Variants in UNC13B observed in about 807,000 individuals in gnomAD.
UNC13B encodes unc-13 homolog B, also known as protein unc-13 homolog B.
In UNC13B, 144 loss-of-function variants were observed where a neutral mutation model predicts 211.0. The ratio of observed to expected loss-of-function variants is 0.68; its 90% CI spans 0.60 to 0.78. UNC13B has a LOEUF of 0.78. Among genes scored for constraint, UNC13B ranks in the 30% least tolerant of loss-of-function variants. The pLI is 0.00. For missense variants in UNC13B, 1,777 were observed against 2,002.0 expected (o/e 0.89, Z 2.14); for synonymous variants, 709 against 725.8 (o/e 0.98, Z 0.37).
At chr9:35,374,979 CTG>C in intron 13 of UNC13B, 146 bp from the exon 14 acceptor site, 3 of 786,014 alleles carry the variant, frequency 3.8e-6, no homozygotes, top group Non-Finnish European at 2.2e-6. Flanking sequence ...CACTTGTCAC[CTG>C]TTAGGGCGGT....
At chr9:35,347,457 C>A (rs1832433190) in intron 11 of UNC13B, among the ~76,000 whole-genome samples, 1 of 152,052 alleles carries the variant, frequency 6.6e-6, no homozygotes, top group Admixed American at 6.6e-5. Flanking sequence ...GCCTCCTGTC[C>A]CTGAGGGTTG....
At chr9:35,402,331 G>T (rs1324760545) in intron 37 of UNC13B, among the ~76,000 whole-genome samples, 1 of 150,728 alleles carries the variant, frequency 6.6e-6, no homozygotes, top group Non-Finnish European at 1.5e-5. Flanking sequence ...GCCCAGGCTG[G>T]AGTCCAGTGG....
At chr9:35,399,557 A>T (rs1246962709) in intron 35 of UNC13B, 92 bp from the exon 36 acceptor site, 21 of 1,599,956 alleles carry the variant, frequency 1.3e-5, no homozygotes, top group Non-Finnish European at 1.7e-5. Flanking sequence ...GAGGAAAAGG[A>T]GGAGATGAAT....
At chr9:35,309,407 T>C (rs903984019) in intron 9 of UNC13B, among the ~76,000 whole-genome samples, 10 of 152,110 alleles carry the variant, frequency 6.6e-5, no homozygotes, top group African/African-American at 1.9e-4. Context: ...GAAAATCCCA[T>C]TGGAAAATAA....
intron 22 of UNC13B, chr9:35,384,557 A>G: frequency 1.0e-6 from 1 of 985,454 alleles, no homozygotes. Context: ...CTCATTCTTA[A>G]CACTCTACTA....
chr9:35,286,590 T>C (rs537578085), intron 7 of UNC13B, among the ~76,000 whole-genome samples: 1 of 152,086 alleles, frequency 6.6e-6, no homozygotes, highest in South Asian at 2.1e-4. Context: ...TCAGGCACAG[T>C]GGCTCCTGTC....
chr9:35,330,297 C>G (rs10972436), intron 11 of UNC13B, among the ~76,000 whole-genome samples: 6,988 of 152,296 alleles, frequency 0.046, 387 homozygotes, highest in East Asian at 0.29. Flanking sequence ...CTGTCATGAC[C>G]TTTCTAGCCT....
At chr9:35,213,855 C>G (rs1824106377) in intron 1 of UNC13B, among the ~76,000 whole-genome samples, 1 of 151,944 alleles carries the variant, frequency 6.6e-6, no homozygotes, top group African/African-American at 2.4e-5. Flanking sequence ...AGTAAGCTAC[C>G]CCAAAAAGAC....
intron 1 of UNC13B, among the ~76,000 whole-genome samples, chr9:35,203,271 G>T (rs1823428969): frequency 6.6e-6 from 1 of 152,124 alleles, no homozygotes; most frequent in African/African-American, 2.4e-5. Flanking sequence ...TTACAATTTG[G>T]CATGTTTTTG....
chr9:35,258,700 C>G (rs562724846), intron 6 of UNC13B, among the ~76,000 whole-genome samples: 1 of 152,210 alleles, frequency 6.6e-6, no homozygotes, highest in Non-Finnish European at 1.5e-5. Context: ...AAGGCCAAAC[C>G]TTCTCCAGCT....
chr9:35,254,178 A>T (rs74792484), intron 6 of UNC13B, among the ~76,000 whole-genome samples: 1,706 of 152,344 alleles, frequency 0.011, 23 homozygotes, highest in African/African-American at 0.038. Context: ...TATAATAAAT[A>T]TAGTTGAGTA....
chr9:35,192,478 C>G (rs1822710661), intron 1 of UNC13B, among the ~76,000 whole-genome samples: 1 of 152,196 alleles, frequency 6.6e-6, no homozygotes, highest in African/African-American at 2.4e-5. Context: ...GGTTAAACAC[C>G]TGAGTTAAAT....
intron 13 of UNC13B, 66 bp downstream of exon 13, chr9:35,370,462 A>G (rs1211671962): frequency 1.3e-6 from 2 of 1,481,508 alleles, no homozygotes; most frequent in African/African-American, 2.8e-5. Context: ...GGCCTTGGCA[A>G]GCTGTCAGGA....
intron 5 of UNC13B, among the ~76,000 whole-genome samples, chr9:35,242,770 G>T (rs1825878967): frequency 6.6e-6 from 1 of 152,146 alleles, no homozygotes; most frequent in South Asian, 2.1e-4. Context: ...ATCTCTTTGA[G>T]ATCCTGCTTT....
chr9:35,400,661 A>G (rs962363781), intron 37 of UNC13B, among the ~76,000 whole-genome samples: 6 of 152,190 alleles, frequency 3.9e-5, no homozygotes, highest in Admixed American at 1.3e-4. Context: ...AATATGTCTA[A>G]GATTTCTTTT....
intron 11 of UNC13B, among the ~76,000 whole-genome samples, chr9:35,339,278 C>T (rs117201546): frequency 1.3e-5 from 2 of 152,190 alleles, no homozygotes; most frequent in African/African-American, 4.8e-5. Context: ...GGAAGCTTCC[C>T]AACTGAGGTG....
Position 35,301,992 on chromosome 9 carries a change from T to A in UNC13B, c.2588T>A (p.Leu863His). The A allele has an allele frequency of 2.5e-6, 1 of 398,816 alleles. No homozygotes were observed. Among genetic ancestry groups the A allele is most frequent in the Non-Finnish European group, 4.4e-6 (1 of 225,860 alleles). 24.7% of individuals were successfully genotyped at this position (398,816 alleles called of 1,614,324 possible). A position where few individuals can be genotyped will look rare whatever the true frequency, so the allele number is the denominator to read the frequency against. Residue 863 changes from leucine to histidine, a missense_variant, in exon 9 of 40, where the codon CTT becomes CAT. Leu to His is a moderately conservative substitution (Grantham distance 99). Coordinates refer to ENST00000635942, the MANE Select transcript of UNC13B (RefSeq NM_001371189.2). The stretch of plus-strand genomic sequence containing the variant: ...TTTTCCTTTAGTGGAAAACTAAATC[T>A]TCCATTTTTTAGAAGTCTTGGTCAT... ...HSFSFSGKLN[L>H]PFFRSLGHSE...
chr9:35,271,157 AAG>A (rs1827859550), intron 7 of UNC13B, among the ~76,000 whole-genome samples: 1 of 151,564 alleles, frequency 6.6e-6, no homozygotes, highest in Non-Finnish European at 1.5e-5. Context: ...AAAAAAAAAA[AAG>A]GACATTTCTC....
Position 35,162,315 on chromosome 9 carries a change from C to G in UNC13B, c.22+10C>G. Reference sequence around the variant, plus strand: ...CTGCTCTGCGTGCGCGGTGAGTGCGCGGACTGAGGCGGGGAGGCGGGGTGT... The same window carrying G: ...CTGCTCTGCGTGCGCGGTGAGTGCGGGGACTGAGGCGGGGAGGCGGGGTGT... On this transcript the variant is annotated intron_variant, in intron 1 of 39. Transcript: ENST00000635942. 1 of 1,539,434 alleles carries G rather than the reference C, an allele frequency of 6.5e-7. No individual in the cohort carries two copies. Among genetic ancestry groups the G allele is most frequent in the South Asian group, 1.2e-5 (1 of 84,280 alleles).
Sources: gnomAD v4.1 joint callset for allele counts (sites outside exome capture counted in the v4.1 genomes callset) on GRCh38, gnomAD v4.1.1 for gene constraint, MANE v1.5 for transcripts, NCBI Gene and HGNC (gene_info 2026-07-23, HGNC 2026-07-21) for gene names.